RBFOX1: variants seen among roughly 807,000 people sequenced by gnomAD.
RBFOX1 encodes the protein RNA binding fox-1 homolog 1.
RBFOX1 carries 8 observed loss-of-function variants against 57.7 expected under a neutral mutation model. The observed-to-expected ratio is 0.14, with a 90% CI of 0.08 to 0.25. RBFOX1 has a LOEUF of 0.25. RBFOX1 is among the 10% of genes least tolerant of loss of function. The pLI is 1.00. For synonymous variants in RBFOX1, 326 were observed against 222.4 expected, an observed-to-expected ratio of 1.47 and a Z score of -4.15; for missense variants, 611 against 548.5, an observed-to-expected ratio of 1.11 and a Z score of -1.14.
At chr16:6,988,558 A>G (rs1237070190) in intron 3 of RBFOX1, among the ~76,000 whole-genome samples, 1 of 140,602 alleles carries the variant, frequency 7.1e-6, no homozygotes, top group African/African-American at 2.5e-5. Flanking sequence ...TTTTAATTTA[A>G]CTTTATTTAA....
intron 1 of RBFOX1, among the ~76,000 whole-genome samples, chr16:6,235,558 A>ATGTGTG (rs3064942): frequency 0.012 from 1,750 of 147,216 alleles, 36 homozygotes; most frequent in African/African-American, 0.041. Context: ...GCGTGTATGT[A>ATGTGTG]TGTGTGTGTG....
intron 3 of RBFOX1, among the ~76,000 whole-genome samples, chr16:6,975,229 A>C (rs965101781): frequency 1.3e-5 from 2 of 151,512 alleles, no homozygotes; most frequent in African/African-American, 2.4e-5. Flanking sequence ...TTAAGAGGCC[A>C]CCACAATACT....
chr16:5,696,071 T>C (rs1185129719), intron 3 of RBFOX1, among the ~76,000 whole-genome samples: 1 of 152,204 alleles, frequency 6.6e-6, no homozygotes, highest in African/African-American at 2.4e-5. Flanking sequence ...AAGTGGGAAA[T>C]TCTGGTAGAA....
chr16:5,845,662 A>C (rs2056738177), intron 3 of RBFOX1, among the ~76,000 whole-genome samples: 1 of 152,208 alleles, frequency 6.6e-6, no homozygotes, highest in South Asian at 2.1e-4. Flanking sequence ...AAATGTGGTT[A>C]CTTAAATGTA....
intron 3 of RBFOX1, among the ~76,000 whole-genome samples, chr16:6,807,618 C>A (rs768155677): frequency 6.6e-5 from 10 of 152,034 alleles, no homozygotes; most frequent in Non-Finnish European, 1.3e-4. Flanking sequence ...GAGATTGAGA[C>A]CAGCCTGGCG....
intron 5 of RBFOX1, among the ~76,000 whole-genome samples, chr16:7,532,146 T>C (rs78409858): frequency 3.1e-3 from 457 of 147,534 alleles, no homozygotes; most frequent in Middle Eastern, 0.018. Context: ...TTTTTTTTTT[T>C]CACTAAGAAA....
intron 4 of RBFOX1, among the ~76,000 whole-genome samples, chr16:7,263,920 T>TA (rs34267221): frequency 0.093 from 11,637 of 124,774 alleles, 606 homozygotes; most frequent in African/African-American, 0.14. Context: ...ATATATAAAT[T>TA]AAAAAAAAAA....
chr16:5,966,392 G>T (rs1206548462), intron 4 of RBFOX1, among the ~76,000 whole-genome samples: 29 of 152,290 alleles, frequency 1.9e-4, no homozygotes, highest in Non-Finnish European at 7.3e-5. Flanking sequence ...GCAACATGAG[G>T]GCTGACGGTT....
At chr16:6,053,675 C>A (rs929978454) in intron 1 of RBFOX1, among the ~76,000 whole-genome samples, 1 of 152,156 alleles carries the variant, frequency 6.6e-6, no homozygotes, top group Non-Finnish European at 1.5e-5. Flanking sequence ...TGCTTGTAAT[C>A]TTTCCCTACG....
intron 4 of RBFOX1, among the ~76,000 whole-genome samples, chr16:7,216,764 C>G (rs930059653): frequency 6.6e-6 from 1 of 152,102 alleles, no homozygotes; most frequent in Non-Finnish European, 1.5e-5. Context: ...GTTATAATTC[C>G]TCTTTTCATT....
intron 2 of RBFOX1, among the ~76,000 whole-genome samples, chr16:5,552,240 C>T (rs747460490): frequency 2.6e-5 from 4 of 152,134 alleles, no homozygotes; most frequent in Non-Finnish European, 5.9e-5. Context: ...ATTCTTTTCC[C>T]CTGGGTTAAG....
At chr16:6,492,484 G>T (rs139757284) in intron 2 of RBFOX1, among the ~76,000 whole-genome samples, 1 of 152,082 alleles carries the variant, frequency 6.6e-6, no homozygotes, top group Admixed American at 6.5e-5. Flanking sequence ...CAGGAGAATC[G>T]CTTGAACCCG....
chr16:6,908,889 A>G (rs1258418412), intron 3 of RBFOX1, among the ~76,000 whole-genome samples: 2 of 152,114 alleles, frequency 1.3e-5, no homozygotes, highest in African/African-American at 2.4e-5. Context: ...GAACAATGCT[A>G]GGCACATCCT....
chr16:5,764,891 C>A (rs1402404742), intron 3 of RBFOX1, among the ~76,000 whole-genome samples: 5 of 152,154 alleles, frequency 3.3e-5, no homozygotes, highest in Non-Finnish European at 7.3e-5. Flanking sequence ...TTCCTGTGAT[C>A]ATCCTATGAA....
intron 3 of RBFOX1, among the ~76,000 whole-genome samples, chr16:6,800,541 C>G (rs1281216820): frequency 1.3e-5 from 2 of 152,048 alleles, no homozygotes; most frequent in Admixed American, 6.5e-5. Flanking sequence ...TCCGTGCACG[C>G]TACACTTTAA....
chr16:7,368,346 C>A (rs541586498), intron 4 of RBFOX1, among the ~76,000 whole-genome samples: 2 of 151,702 alleles, frequency 1.3e-5, no homozygotes, highest in East Asian at 3.9e-4. Flanking sequence ...TTTGGGGTTT[C>A]TTTCCCTGTT....
At chr16:6,510,019 G>C (rs573121899) in intron 2 of RBFOX1, among the ~76,000 whole-genome samples, 1 of 152,130 alleles carries the variant, frequency 6.6e-6, no homozygotes. Flanking sequence ...GGCAGGGGTG[G>C]TGTCTGTTCC....
chr16:7,243,901 C>T (rs1049900910), intron 4 of RBFOX1, among the ~76,000 whole-genome samples: 5 of 152,006 alleles, frequency 3.3e-5, no homozygotes, highest in Admixed American at 6.5e-5. Flanking sequence ...TTCACATAAT[C>T]AAAACTCTTA....
chr16:6,229,406 A>G (rs980136695), intron 1 of RBFOX1, among the ~76,000 whole-genome samples: 2 of 151,706 alleles, frequency 1.3e-5, no homozygotes, highest in Non-Finnish European at 2.9e-5. Flanking sequence ...TTTTCCCCCT[A>G]TCTTTTGTCT....
Sources: allele counts gnomAD v4.1 joint callset (sites outside exome capture counted in the v4.1 genomes callset), GRCh38; gene constraint gnomAD v4.1.1; transcripts MANE v1.5; gene names NCBI Gene and HGNC (gene_info 2026-07-23, HGNC 2026-07-21).